SKAP2: variants seen among roughly 807,000 people sequenced by gnomAD.
SKAP2 encodes src kinase associated phosphoprotein 2.
SKAP2 carries 28 observed loss-of-function variants against 54.9 expected under a neutral mutation model. That is an observed-to-expected ratio of 0.51 (90% confidence interval 0.38 to 0.70). SKAP2 has a LOEUF of 0.70. SKAP2 is among the 30% of genes least tolerant of loss of function. The probability of loss-of-function intolerance (pLI) is 0.00; values close to 1 mark genes in which losing one functional copy is unlikely to be tolerated. For missense variants in SKAP2, 356 were observed against 424.1 expected (o/e 0.84, Z 1.41); for synonymous variants, 137 against 134.3 (o/e 1.02, Z -0.14).
At chr7:26,685,621 T>C (rs1250071236) in intron 10 of SKAP2, among the ~76,000 whole-genome samples, 1 of 152,154 alleles carries the variant, frequency 6.6e-6, no homozygotes, top group African/African-American at 2.4e-5. Context: ...ACAATGGATG[T>C]GATGTGCTCA....
At chr7:26,817,839 T>C (rs1034575020) in intron 4 of SKAP2, among the ~76,000 whole-genome samples, 2 of 152,092 alleles carry the variant, frequency 1.3e-5, no homozygotes, top group Non-Finnish European at 2.9e-5. Flanking sequence ...CATTCACAAT[T>C]GCAACAAGAA....
intron 4 of SKAP2, among the ~76,000 whole-genome samples, chr7:26,810,043 T>C (rs1207665250): frequency 6.6e-6 from 1 of 151,990 alleles, no homozygotes; most frequent in Non-Finnish European, 1.5e-5. Flanking sequence ...ATATGTAGTG[T>C]TAAAAAGTTG....
chr7:26,830,466 A>C (rs1444095316), intron 4 of SKAP2, among the ~76,000 whole-genome samples: 8 of 152,148 alleles, frequency 5.3e-5, no homozygotes, highest in Admixed American at 5.2e-4. Flanking sequence ...CCCTACCCCT[A>C]AACTGTTGGT....
chr7:26,828,282 G>T (rs1234210326), intron 4 of SKAP2, among the ~76,000 whole-genome samples: 1 of 152,174 alleles, frequency 6.6e-6, no homozygotes, highest in African/African-American at 2.4e-5. Flanking sequence ...TCAAATCTGT[G>T]TATTATGTTG....
chr7:26,737,442 T>A (rs555562809), intron 6 of SKAP2, among the ~76,000 whole-genome samples: 70 of 152,316 alleles, frequency 4.6e-4, no homozygotes, highest in African/African-American at 1.7e-3. Context: ...AATTTGTTAA[T>A]CTCATTAGCC....
intron 9 of SKAP2, among the ~76,000 whole-genome samples, chr7:26,712,463 T>C (rs1787331528): frequency 6.6e-6 from 1 of 152,228 alleles, no homozygotes; most frequent in South Asian, 2.1e-4. Flanking sequence ...AATGCTTATC[T>C]GATAACTAAG....
chr7:26,658,512 A>G, the SKAP2 span, among the ~76,000 whole-genome samples: 2 of 151,562 alleles, frequency 1.3e-5, no homozygotes, highest in African/African-American at 4.9e-5. Flanking sequence ...CAAATGGAGC[A>G]TTTTTCAGAT....
At chr7:26,678,485 G>A (rs1203722439) in intron 11 of SKAP2, among the ~76,000 whole-genome samples, 1 of 147,332 alleles carries the variant, frequency 6.8e-6, no homozygotes, top group African/African-American at 2.6e-5. Context: ...TCTGTCACCA[G>A]GCTGGAGTGC....
intron 4 of SKAP2, among the ~76,000 whole-genome samples, chr7:26,806,903 A>G (rs542274927): frequency 1.4e-3 from 215 of 152,342 alleles, no homozygotes; most frequent in African/African-American, 4.9e-3. Context: ...TCTTCATAAC[A>G]TAAAAGTGCA....
At chr7:26,802,718 T>C (rs187224382) in intron 4 of SKAP2, among the ~76,000 whole-genome samples, 1 of 151,984 alleles carries the variant, frequency 6.6e-6, no homozygotes, top group East Asian at 2.0e-4. Flanking sequence ...CAGTCTCTAC[T>C]AAAAATACAA....
chr7:26,845,336 C>T (rs749609969), intron 3 of SKAP2, among the ~76,000 whole-genome samples: 3 of 152,084 alleles, frequency 2.0e-5, no homozygotes, highest in Non-Finnish European at 4.4e-5. Flanking sequence ...CAACACTGTC[C>T]AAATAATTTT....
At chr7:26,695,587 G>A (rs1786877763) in intron 9 of SKAP2, among the ~76,000 whole-genome samples, 2 of 152,252 alleles carry the variant, frequency 1.3e-5, no homozygotes, top group South Asian at 2.1e-4. Context: ...CAATTTACAG[G>A]TGGATTGCTT....
At chr7:26,733,226 A>C (rs1471642233) in intron 6 of SKAP2, among the ~76,000 whole-genome samples, 1 of 152,184 alleles carries the variant, frequency 6.6e-6, no homozygotes, top group African/African-American at 2.4e-5. Context: ...TTCTGATAAA[A>C]GTAGAATTAA....
intron 4 of SKAP2, among the ~76,000 whole-genome samples, chr7:26,833,393 G>A (rs1469850963): frequency 8.9e-5 from 8 of 90,384 alleles, no homozygotes; most frequent in African/African-American, 1.9e-4. Flanking sequence ...GCAAGACTCC[G>A]TCTCAAAAAA....
intron 4 of SKAP2, among the ~76,000 whole-genome samples, chr7:26,790,325 G>C (rs962429671): frequency 1.3e-5 from 2 of 152,162 alleles, no homozygotes; most frequent in African/African-American, 4.8e-5. Flanking sequence ...GGATGTTGTG[G>C]CTGATTTTGG....
At chr7:26,741,629 G>C (rs1300175631) in intron 4 of SKAP2, among the ~76,000 whole-genome samples, 4 of 151,852 alleles carry the variant, frequency 2.6e-5, no homozygotes. Context: ...TTGTAACAGA[G>C]AAAGAATAAA....
At chr7:26,670,609 A>T (rs572491382) in intron 11 of SKAP2, among the ~76,000 whole-genome samples, 3 of 152,034 alleles carry the variant, frequency 2.0e-5, no homozygotes, top group Non-Finnish European at 4.4e-5. Context: ...GGATAAAATA[A>T]TTTTTTTTAC....
At chr7:26,688,550 C>CT (rs1252383372) in intron 10 of SKAP2, among the ~76,000 whole-genome samples, 1 of 152,150 alleles carries the variant, frequency 6.6e-6, no homozygotes. Flanking sequence ...AGTGTTACAT[C>CT]TTTGACAGCC....
chr7:26,841,554 T>C (rs1264142936), intron 4 of SKAP2, among the ~76,000 whole-genome samples: 5 of 152,082 alleles, frequency 3.3e-5, no homozygotes, highest in Non-Finnish European at 4.4e-5. Context: ...ATATAACTTA[T>C]GCTGCTTTCC....
Sources: gnomAD v4.1 joint callset for allele counts (sites outside exome capture counted in the v4.1 genomes callset) on GRCh38, gnomAD v4.1.1 for gene constraint, MANE v1.5 for transcripts, NCBI Gene and HGNC (gene_info 2026-07-23, HGNC 2026-07-21) for gene names.